The following CMKLR1 variants were observed in gnomAD, a reference collection of about 807,000 sequenced individuals.
CMKLR1 encodes chemerin-like receptor 1.
A neutral mutation model predicts 8.2 loss-of-function variants in CMKLR1; 6 were observed. That is an observed-to-expected ratio of 0.73 (90% CI 0.40 to 1.44). The LOEUF (loss-of-function observed/expected upper bound fraction) is 1.44, where lower values mean the gene tolerates loss of function less well. Among genes scored for constraint, CMKLR1 ranks in the 40% most tolerant of loss-of-function variants. The pLI is 0.02. For synonymous variants in CMKLR1, 178 were observed against 181.2 expected (o/e 0.98, Z 0.14); for missense variants, 429 against 478.0 (o/e 0.90, Z 0.96).
rs184321736 is a variant in CMKLR1 at position 108,300,585 on chromosome 12, C to A, written c.-73-6921G>T. Among the ~76,000 whole-genome samples, 8 of 152,244 alleles carry A rather than the reference C, an allele frequency of 5.3e-5. No individual in the cohort carries two copies. In the East Asian group the frequency reaches 1.5e-3, roughly 29 times the overall value. Reference sequence around the variant, plus strand: ...TGCCATAGAACATAGAACAACACAACAAAGGGATTAAGGGCCCAGGATATT... The same window carrying A: ...TGCCATAGAACATAGAACAACACAAAAAAGGGATTAAGGGCCCAGGATATT... On this transcript the variant is annotated intron_variant, in intron 2 of 3. Transcript: ENST00000550402.
chr12:108,306,894 G>A (rs1891421597), intron 2 of CMKLR1, among the ~76,000 whole-genome samples: 1 of 152,110 alleles, frequency 6.6e-6, no homozygotes, highest in Non-Finnish European at 1.5e-5. Flanking sequence ...GTCACAGAAG[G>A]TCCCCAGCAA....
At chr12:108,313,035 G>C (rs1166854652) in intron 2 of CMKLR1, among the ~76,000 whole-genome samples, 3 of 152,118 alleles carry the variant, frequency 2.0e-5, no homozygotes, top group Non-Finnish European at 4.4e-5. Context: ...GCTCAGGCAG[G>C]CTCTGGCCCC....
chr12:108,331,985 A>G (rs1303545439), intron 1 of CMKLR1, among the ~76,000 whole-genome samples: 3 of 152,160 alleles, frequency 2.0e-5, no homozygotes, highest in East Asian at 3.8e-4. Context: ...AACAGGAAAC[A>G]TATACACTTG....
At chr12:108,323,342 T>TTTTATTTA (rs139230013) in intron 2 of CMKLR1, among the ~76,000 whole-genome samples, 31 of 151,198 alleles carry the variant, frequency 2.1e-4, no homozygotes, top group East Asian at 9.7e-4. Context: ...CCCTTTTTTA[T>TTTTATTTA]TTTATTTATT....
intron 2 of CMKLR1, among the ~76,000 whole-genome samples, chr12:108,308,568 AG>A (rs1387259235): frequency 7.2e-5 from 11 of 152,238 alleles, no homozygotes; most frequent in African/African-American, 2.6e-4. Flanking sequence ...CACTGTAGGA[AG>A]TGTGCTCAGC....
chr12:108,300,380 T>C (rs1317601707), intron 2 of CMKLR1, among the ~76,000 whole-genome samples: 1 of 152,324 alleles, frequency 6.6e-6, no homozygotes. Flanking sequence ...GCAAAAGTAG[T>C]ACAGAGAAGT....
intron 2 of CMKLR1, among the ~76,000 whole-genome samples, chr12:108,315,487 G>T (rs539835393): frequency 6.6e-6 from 1 of 152,096 alleles, no homozygotes; most frequent in Non-Finnish European, 1.5e-5. Context: ...TGGCCTAGAA[G>T]CTCCTGTGTA....
chr12:108,295,748 G>A (rs1472554996), intron 2 of CMKLR1, among the ~76,000 whole-genome samples: 1 of 152,226 alleles, frequency 6.6e-6, no homozygotes, highest in African/African-American at 2.4e-5. Context: ...CTGGGTGTGT[G>A]AGTCCCGAGA....
rs370635582 is a variant in CMKLR1, at chr12:108,292,665, C to A, written c.298G>T (p.Ala100Ser). The A allele has an allele frequency of 5.0e-6, 8 of 1,614,106 alleles. No individual in the cohort carries two copies. Among genetic ancestry groups the A allele is most frequent in the Non-Finnish European group, 6.8e-6 (8 of 1,180,036 alleles). Residue 100 changes from alanine (A) to serine (S), a missense_variant, in exon 4 of 4, where the codon GCC becomes TCC. Ala to Ser is a moderately conservative substitution (Grantham distance 99, BLOSUM62 1). Transcript: ENST00000550402. Reference protein sequence around the residue: ...VFLPIHITYAAMDYHWVFGTA... With the variant: ...VFLPIHITYASMDYHWVFGTA... The stretch of plus-strand genomic sequence containing the variant: ...CCGAAAACCCAGTGGTAGTCCATGG[C>A]GGCATAGGTGATATGGATTGGGAGG...
intron 2 of CMKLR1, among the ~76,000 whole-genome samples, chr12:108,299,175 C>T (rs1007285495): frequency 6.6e-6 from 1 of 152,180 alleles, no homozygotes; most frequent in African/African-American, 2.4e-5. Context: ...CCTGCATATG[C>T]CTGCACCAGG....
At chr12:108,300,492 T>C (rs1168032409) in intron 2 of CMKLR1, among the ~76,000 whole-genome samples, 3 of 152,158 alleles carry the variant, frequency 2.0e-5, no homozygotes, top group East Asian at 1.9e-4. Flanking sequence ...AATGAATGAA[T>C]GAATGCTTGT....
chr12:108,327,868 CG>C (rs1273437796), intron 2 of CMKLR1, among the ~76,000 whole-genome samples: 1 of 152,246 alleles, frequency 6.6e-6, no homozygotes, highest in African/African-American at 2.4e-5. Context: ...CGGGGTGGGA[CG>C]GGGCTGAGAA....
At chr12:108,304,079 T>C in intron 2 of CMKLR1, among the ~76,000 whole-genome samples, 2 of 152,228 alleles carry the variant, frequency 1.3e-5, no homozygotes, top group East Asian at 1.9e-4. Flanking sequence ...GCCTCACACC[T>C]GCCTGGTTGG....
Position 108,298,038 on chromosome 12 carries a change from T to G in CMKLR1, c.-73-4374A>C, listed in dbSNP as rs189319515. Among the ~76,000 whole-genome samples the G allele has an allele frequency of 2.3e-3, 345 of 152,310 alleles. 1 individual carries two copies. The highest frequency in any genetic ancestry group is 7.9e-3 in the African/African-American group (329 of 41,564). ...GAGGATTCAGGGTAAGGAACAATGT[T>G]GCTTCTCTTGAGGAACTGGGTTGCT... On this transcript the variant is annotated intron_variant, in intron 2 of 3. Coordinates refer to ENST00000550402, the MANE Select transcript of CMKLR1 (RefSeq NM_001142343.2).
At chr12:108,297,059 C>T (rs1392736704) in intron 2 of CMKLR1, among the ~76,000 whole-genome samples, 1 of 152,202 alleles carries the variant, frequency 6.6e-6, no homozygotes, top group Non-Finnish European at 1.5e-5. Flanking sequence ...ACTATATATA[C>T]CGCTGACCCT....
intron 1 of CMKLR1, among the ~76,000 whole-genome samples, chr12:108,336,323 G>C (rs1892221806): frequency 6.6e-6 from 1 of 152,138 alleles, no homozygotes. Context: ...GAGGTGGGTG[G>C]ATCACAAGGT....
chr12:108,306,183 T>G (rs934499738), intron 2 of CMKLR1, among the ~76,000 whole-genome samples: 1 of 152,196 alleles, frequency 6.6e-6, no homozygotes, highest in African/African-American at 2.4e-5. Flanking sequence ...GAGCGTGCGG[T>G]TGGGTACAAA....
chr12:108,293,079 A>G (rs1891040551), intron 3 of CMKLR1, 120 bp from the exon 4 acceptor site: 3 of 910,966 alleles, frequency 3.3e-6, no homozygotes, highest in Non-Finnish European at 5.0e-6. Flanking sequence ...TTGTGATTTA[A>G]CCATTTCCTT....
intron 2 of CMKLR1, among the ~76,000 whole-genome samples, chr12:108,320,257 A>G (rs1891828213): frequency 6.6e-6 from 1 of 152,096 alleles, no homozygotes; most frequent in Non-Finnish European, 1.5e-5. Context: ...CACTGTGTGG[A>G]GTAGAGGTAG....
Sources: gnomAD v4.1 joint callset for allele counts (sites outside exome capture counted in the v4.1 genomes callset) on GRCh38, gnomAD v4.1.1 for gene constraint, MANE v1.5 for transcripts, NCBI Gene and HGNC (gene_info 2026-07-23, HGNC 2026-07-21) for gene names.